ANKRD30BL: variants seen among roughly 807,000 people sequenced by gnomAD.
The protein encoded by ANKRD30BL is putative ankyrin repeat domain-containing protein 30B-like.
ANKRD30BL carries 20 observed loss-of-function variants against 18.4 expected under a neutral mutation model. The observed-to-expected ratio is 1.09, with a 90% confidence interval of 0.77 to 1.58. ANKRD30BL has a LOEUF of 1.58. Among genes scored for constraint, ANKRD30BL ranks in the 40% most tolerant of loss-of-function variants. The pLI, the probability that ANKRD30BL is intolerant of heterozygous loss-of-function variation, is 0.00. For missense variants in ANKRD30BL, 224 were observed against 268.6 expected (o/e 0.83, Z 1.16); for synonymous variants, 72 against 100.9 (o/e 0.71, Z 1.72).
chr2:132,232,562 A>G lies in ANKRD30BL; in HGVS notation n.441+24967T>C, dbSNP rs1334117948. Among the ~76,000 whole-genome samples, 6 of 152,326 alleles carry G rather than the reference A, an allele frequency of 3.9e-5. No homozygotes were observed. In the East Asian group the frequency reaches 1.2e-3, roughly 29 times the overall value. ...TGCAGAAGCCTCAGGAGCTGATGCA[A>G]TCAACTGGAAAAAAGGGTATCAGCA... On this transcript the variant is annotated intron_variant and non_coding_transcript_variant, in intron 1 of 4. Transcript: ENST00000470729.
At chr2:132,208,894 A>G (rs1323716110) in intron 1 of ANKRD30BL, among the ~76,000 whole-genome samples, 9 of 151,962 alleles carry the variant, frequency 5.9e-5, no homozygotes, top group Non-Finnish European at 1.3e-4. Flanking sequence ...GTGTGCATTC[A>G]CCTCACAGAG....
At chr2:132,183,250 G>A (rs1688506256) in intron 1 of ANKRD30BL, among the ~76,000 whole-genome samples, 1 of 151,316 alleles carries the variant, frequency 6.6e-6, no homozygotes, top group African/African-American at 2.4e-5. Context: ...TCTTGCCTCA[G>A]CCTCTTGAGC....
At chr2:132,217,673 T>A (rs76300259) in intron 1 of ANKRD30BL, among the ~76,000 whole-genome samples, 2 of 114,796 alleles carry the variant, frequency 1.7e-5, no homozygotes, top group East Asian at 4.9e-4. Context: ...TGTCACAGAG[T>A]TGAACCTTTC....
At chr2:132,239,239 T>C (rs555238705) in intron 1 of ANKRD30BL, among the ~76,000 whole-genome samples, 3 of 152,056 alleles carry the variant, frequency 2.0e-5, no homozygotes, top group African/African-American at 7.2e-5. Context: ...ACACTCTTTG[T>C]AGAATTTGCA....
At chr2:132,221,036 C>T (rs1425102621) in intron 1 of ANKRD30BL, among the ~76,000 whole-genome samples, 27 of 144,524 alleles carry the variant, frequency 1.9e-4, no homozygotes, top group African/African-American at 5.6e-4. Context: ...ATGTGAGGAG[C>T]GCCTCTGCCC....
intron 1 of ANKRD30BL, among the ~76,000 whole-genome samples, chr2:132,236,540 G>A (rs1478475333): frequency 6.6e-6 from 1 of 152,032 alleles, no homozygotes; most frequent in Admixed American, 6.6e-5. Context: ...ATCATCACTG[G>A]CCATCAGAGA....
At chr2:132,236,640 G>A (rs945242310) in intron 1 of ANKRD30BL, among the ~76,000 whole-genome samples, 3 of 152,148 alleles carry the variant, frequency 2.0e-5, no homozygotes, top group East Asian at 1.9e-4. Context: ...TGCTGGAGAC[G>A]ATGTGGAGAA....
chr2:132,237,211 C>T (rs981477062), intron 1 of ANKRD30BL, among the ~76,000 whole-genome samples: 41 of 151,884 alleles, frequency 2.7e-4, no homozygotes, highest in East Asian at 3.9e-4. Context: ...ACCAGCATGG[C>T]GCAAGTATAC....
intron 4 of ANKRD30BL, among the ~76,000 whole-genome samples, chr2:132,154,330 A>G (rs1687843577): frequency 6.6e-6 from 1 of 152,242 alleles, no homozygotes; most frequent in Non-Finnish European, 1.5e-5. Flanking sequence ...GGTGTTAATC[A>G]TTCAATACTG....
chr2:132,186,006 T>TG (rs1363382554), intron 1 of ANKRD30BL, among the ~76,000 whole-genome samples: 3 of 151,682 alleles, frequency 2.0e-5, no homozygotes, highest in African/African-American at 7.3e-5. Flanking sequence ...CCAGGCGTGG[T>TG]GGCATGCTAC....
rs1234827166 is a variant in ANKRD30BL, at chr2:132,210,946, A to G, written n.441+46583T>C. Among the ~76,000 whole-genome samples, 10 of 109,710 alleles carry G rather than the reference A, an allele frequency of 9.1e-5. No homozygotes were observed. In the South Asian group the frequency reaches 1.2e-3, roughly 13 times the overall value. The allele number at this position is 109,710 out of a possible 152,430, so 72.0% of individuals were successfully genotyped here. A position where few individuals can be genotyped will look rare whatever the true frequency, so the allele number is the denominator to read the frequency against. The stretch of plus-strand genomic sequence containing the variant: ...TTTGTGATGTGTGCATTCATCTCAC[A>G]GAGTTGAACCTTTCTTTTGATTGAG... On this transcript the variant is annotated intron_variant and non_coding_transcript_variant, in intron 1 of 4. Transcript: ENST00000470729.
chr2:132,215,322 C>G (rs1279051861), intron 1 of ANKRD30BL, among the ~76,000 whole-genome samples: 1 of 152,160 alleles, frequency 6.6e-6, no homozygotes, highest in Non-Finnish European at 1.5e-5. Flanking sequence ...ATGCGGAGCT[C>G]TTTGAGGCCT....
intron 1 of ANKRD30BL, among the ~76,000 whole-genome samples, chr2:132,202,907 T>C (rs1158170905): frequency 1.3e-5 from 2 of 152,182 alleles, no homozygotes; most frequent in East Asian, 1.9e-4. Flanking sequence ...TAACAGGGCA[T>C]AGAGAAATTA....
intron 1 of ANKRD30BL, among the ~76,000 whole-genome samples, chr2:132,240,430 G>A (rs1158847661): frequency 6.6e-6 from 1 of 151,818 alleles, no homozygotes; most frequent in Non-Finnish European, 1.5e-5. Flanking sequence ...CACTCTTTTT[G>A]TAGAATCTAT....
At chr2:132,166,457 A>G (rs1688189464), upstream of ANKRD30BL, among the ~76,000 whole-genome samples, 1 of 151,938 alleles carries the variant, frequency 6.6e-6, no homozygotes, top group Non-Finnish European at 1.5e-5. Context: ...GTTATTAACT[A>G]TTTATTCAAT....
rs146459330 is a variant in ANKRD30BL at position 132,241,142 on chromosome 2, A to C, written n.441+16387T>G. On this transcript the variant is annotated intron_variant and non_coding_transcript_variant, in intron 1 of 4. Transcript: ENST00000470729. ...ATATCTGCAAGTGGAAACTTGGTGAACTTAGAAGTCTATGGTGAAAAAAGA... is the reference window on the plus strand; with the variant it reads ...ATATCTGCAAGTGGAAACTTGGTGACCTTAGAAGTCTATGGTGAAAAAAGA... 2.1e-5 allele frequency among the ~76,000 whole-genome samples: 3 copies of C among 139,620 alleles called. No homozygotes were observed. The South Asian group carries it at 6.9e-4, about 32-fold the overall frequency. The allele number at this position is 139,620 out of a possible 152,430, so 91.6% of individuals were successfully genotyped here.
At chr2:132,248,878 T>G (rs1573893895) in intron 1 of ANKRD30BL, among the ~76,000 whole-genome samples, 1 of 151,914 alleles carries the variant, frequency 6.6e-6, no homozygotes, top group South Asian at 2.1e-4. Context: ...ATCAAAAGAA[T>G]GGTTCAACTC....
chr2:132,165,460 G>A (rs1159393629), upstream of ANKRD30BL, among the ~76,000 whole-genome samples: 9 of 151,748 alleles, frequency 5.9e-5, no homozygotes, highest in Admixed American at 2.6e-4. Flanking sequence ...TTGGGAGGCC[G>A]AGGCGGTCGC....
chr2:132,213,967 A>G (rs1039674487), intron 1 of ANKRD30BL, among the ~76,000 whole-genome samples: 13 of 151,512 alleles, frequency 8.6e-5, no homozygotes, highest in Non-Finnish European at 1.3e-4. Context: ...TTTGAGGGTG[A>G]TGGTCAATAA....
Sources: gnomAD v4.1 joint callset for allele counts (sites outside exome capture counted in the v4.1 genomes callset) on GRCh38, gnomAD v4.1.1 for gene constraint, MANE v1.5 for transcripts, NCBI Gene and HGNC (gene_info 2026-07-23, HGNC 2026-07-21) for gene names.